The following MITD1 variants were observed in gnomAD, a reference collection of about 807,000 sequenced individuals.
MITD1 encodes microtubule interacting and trafficking domain containing 1, also known as MIT domain-containing protein 1.
A neutral mutation model predicts 34.9 loss-of-function variants in MITD1; 24 were observed. The ratio of observed to expected loss-of-function variants is 0.69; its 90% confidence interval spans 0.50 to 0.97. The LOEUF is 0.97. Among genes scored for constraint, MITD1 ranks in the 50% least tolerant of loss-of-function variants. MITD1 has a pLI of 0.00. For missense variants in MITD1, 266 were observed against 294.6 expected (o/e 0.90, Z 0.71); for synonymous variants, 102 against 101.4 (o/e 1.01, Z -0.04).
At chr2:99,175,174 G>A (rs2093880544) in intron 1 of MITD1, among the ~76,000 whole-genome samples, 1 of 150,632 alleles carries the variant, frequency 6.6e-6, no homozygotes, top group South Asian at 2.1e-4. Context: ...AAGTATCAGA[G>A]CTAGGAAATT....
chr2:99,163,744 C>T (rs2093813789), intron 7 of MITD1, among the ~76,000 whole-genome samples: 1 of 152,136 alleles, frequency 6.6e-6, no homozygotes, highest in Non-Finnish European at 1.5e-5. Flanking sequence ...CTCTGTTTTT[C>T]TTATCTCTCG....
intron 7 of MITD1, chr2:99,163,179 C>T: frequency 8.6e-6 from 3 of 348,550 alleles, no homozygotes; most frequent in Non-Finnish European, 9.7e-6. Flanking sequence ...TTAGTAACGT[C>T]AAAAAAAAAA....
intron 1 of MITD1, among the ~76,000 whole-genome samples, chr2:99,177,926 A>G (rs533970930): frequency 6.6e-6 from 1 of 152,314 alleles, no homozygotes; most frequent in East Asian, 1.9e-4. Flanking sequence ...TTTAGATTCC[A>G]CATATGAGTT....
At chr2:99,179,306 G>C (rs1164424894) in intron 1 of MITD1, among the ~76,000 whole-genome samples, 1 of 152,100 alleles carries the variant, frequency 6.6e-6, no homozygotes, top group East Asian at 1.9e-4. Flanking sequence ...AGAGTCGTTG[G>C]GGCCTTGGGC....
intron 5 of MITD1, among the ~76,000 whole-genome samples, chr2:99,170,002 C>T (rs922489898): frequency 2.6e-5 from 4 of 152,170 alleles, no homozygotes; most frequent in Non-Finnish European, 2.9e-5. Context: ...GCATTTTCAT[C>T]TGTTTTGCAT....
chr2:99,169,576 C>T lies in MITD1; in HGVS notation c.628G>A (p.Gly210Arg). 1 of 1,608,614 alleles carries T rather than the reference C, an allele frequency of 6.2e-7. No homozygotes were observed. The highest frequency in any genetic ancestry group is 8.5e-7 in the Non-Finnish European group (1 of 1,175,234). Reference protein sequence around the residue: ...NNGWMIKIGRGLDYFKKPQSR... With the variant: ...NNGWMIKIGRRLDYFKKPQSR... The stretch of plus-strand genomic sequence containing the variant: ...TGTGGTTTCTTAAAATAATCAAGTC[C>T]CCTTCCAATCTTAATCATCCATCCA... Residue 210 changes from glycine (G) to arginine (R), a missense_variant, in exon 6 of 7, where the codon GGA (glycine) becomes AGA (arginine). Coordinates refer to ENST00000289359, the MANE Select transcript of MITD1 (RefSeq NM_138798.3).
chr2:99,165,664 T>C (rs541928050), downstream of MITD1, among the ~76,000 whole-genome samples: 1 of 152,308 alleles, frequency 6.6e-6, no homozygotes, highest in Admixed American at 6.5e-5. Context: ...TCCCCTTATA[T>C]GTTTGCGGAC....
At chr2:99,165,102 CT>C (rs1300362477), downstream of MITD1, among the ~76,000 whole-genome samples, 1 of 151,784 alleles carries the variant, frequency 6.6e-6, no homozygotes, top group African/African-American at 2.4e-5. Context: ...GAGTCTCATT[CT>C]GTCACCTAGG....
At chr2:99,180,725 T>G (rs766977957) in intron 1 of MITD1, 106 bp downstream of exon 1, 16 of 981,250 alleles carry the variant, frequency 1.6e-5, no homozygotes, top group South Asian at 3.0e-5. Flanking sequence ...TTTAACTGCT[T>G]CTTCGTGGTG....
rs576171217 is a variant in MITD1, at chr2:99,162,927, C to T, written c.*4-709G>A. On this transcript the variant is annotated intron_variant, in intron 7 of 7. Coordinates refer to the MITD1 transcript ENST00000422537. ...TGATCATTGGTTGCCATTGGAAATA[C>T]GTGACAAATTAAATTCAAGTCTTAT... The T allele has an allele frequency of 5.1e-5, 82 of 1,613,646 alleles. No homozygotes were observed. The highest frequency in any genetic ancestry group is 5.0e-4 in the Admixed American group (30 of 59,896).
chr2:99,169,665 TAAAGCTGTA>T, intron 5 of MITD1, 55 bp from the exon 6 acceptor site: 1 of 1,437,400 alleles, frequency 7.0e-7, no homozygotes. Context: ...AGACTATTAA[TAAAGCTGTA>T]GTGTATTAAG....
chr2:99,170,234 T>C (rs2093848329), intron 5 of MITD1, among the ~76,000 whole-genome samples: 1 of 152,168 alleles, frequency 6.6e-6, no homozygotes, highest in Non-Finnish European at 1.5e-5. Flanking sequence ...CCTAATATCA[T>C]AACACTATAT....
In MITD1 at chr2:99,181,020, G is replaced by C. The variant is rs2093917832; in HGVS notation, c.-39C>G. ...CTCCTCCGCCTCAACCCAGGATGAA[G>C]TTGAGCGGGTCTGCTGCGCTTCCGG... is the stretch of plus-strand genomic sequence containing the variant. On this transcript the variant is annotated 5_prime_UTR_variant, in exon 1 of 7. Coordinates refer to ENST00000289359, the MANE Select transcript of MITD1 (RefSeq NM_138798.3). 2.5e-6 allele frequency: 4 copies of C among 1,595,950 alleles called. No individual in the cohort carries two copies. Among genetic ancestry groups the C allele is most frequent in the Non-Finnish European group, 3.4e-6 (4 of 1,170,228 alleles).
intron 5 of MITD1, 65 bp from the exon 6 acceptor site, chr2:99,169,675 G>T: frequency 7.4e-7 from 1 of 1,343,622 alleles, no homozygotes; most frequent in Non-Finnish European, 1.1e-6. Flanking sequence ...TAAAGCTGTA[G>T]TGTATTAAGT....
intron 1 of MITD1, among the ~76,000 whole-genome samples, chr2:99,178,964 C>T (rs978489950): frequency 6.6e-6 from 1 of 152,200 alleles, no homozygotes; most frequent in Non-Finnish European, 1.5e-5. Flanking sequence ...AGATGAATTT[C>T]TGACTTCTGA....
At chr2:99,165,061 C>CACACACACATATATAT, downstream of MITD1, among the ~76,000 whole-genome samples, 1 of 135,282 alleles carries the variant, frequency 7.4e-6, no homozygotes, top group African/African-American at 2.8e-5. Flanking sequence ...CACACACACA[C>CACACACACATATATAT]ATATATATAT....
rs148702700 is a variant in MITD1, at chr2:99,170,566, G to A, written c.564C>T (p.Tyr188=). ...TTTCTCGGTCATGTATTGAAGAAGA[G>A]TATTGAACTTCCAACAGCACTCCGT... ...RSHGVLLEVQ[Y]SSSIHDREIR... The change falls in exon 5 of 7, where the codon TAC becomes TAT. Residue 188 remains tyrosine (Y), a synonymous_variant. Transcript: ENST00000289359. 1.6e-4 allele frequency: 259 copies of A among 1,586,946 alleles called. 2 individuals carry two copies. The South Asian group carries it at 1.8e-3, about 11-fold the overall frequency.
downstream of MITD1, chr2:99,161,927 A>G (rs1311536211): frequency 1.3e-6 from 2 of 1,522,746 alleles, no homozygotes; most frequent in Non-Finnish European, 1.8e-6. Flanking sequence ...TTCTCGATGA[A>G]TTAATTTGTT....
downstream of MITD1, among the ~76,000 whole-genome samples, chr2:99,168,978 T>TTTTTTTTTTTTTTG: frequency 9.7e-6 from 1 of 103,030 alleles, no homozygotes; most frequent in Non-Finnish European, 1.9e-5. Context: ...TTTTTTTTTT[T>TTTTTTTTTTTTTTG]CTGATACAGG....
Sources: allele counts gnomAD v4.1 joint callset (sites outside exome capture counted in the v4.1 genomes callset), GRCh38; gene constraint gnomAD v4.1.1; transcripts MANE v1.5; gene names NCBI Gene and HGNC (gene_info 2026-07-23, HGNC 2026-07-21).